The following SSC5D variants were observed in gnomAD, a reference collection of about 807,000 sequenced individuals.
SSC5D encodes scavenger receptor cysteine rich family member with 5 domains.
In SSC5D, 106 loss-of-function variants were observed where a neutral mutation model predicts 104.6. That is an observed-to-expected ratio of 1.01 (90% CI 0.87 to 1.19). The LOEUF (loss-of-function observed/expected upper bound fraction) is 1.19, where lower values mean the gene tolerates loss of function less well. Ranked by LOEUF, SSC5D falls within the 50% of genes most tolerant of loss-of-function variation. The pLI is 0.00. For missense variants in SSC5D, 1,993 were observed against 2,153.8 expected, an observed-to-expected ratio of 0.93 and a Z score of 1.48; for synonymous variants, 860 against 883.5, an observed-to-expected ratio of 0.97 and a Z score of 0.47.
At chr19:55,494,564 A>T (rs1253297791) in intron 7 of SSC5D, 46 bp from the exon 8 acceptor site, 3 of 1,459,772 alleles carry the variant, frequency 2.1e-6, no homozygotes, top group Non-Finnish European at 2.7e-6. Context: ...CGGCTCCGGG[A>T]TGGAGGGTGT....
At chr19:55,505,077 A>AGGTTCCAATCGT (rs1308449269) in intron 12 of SSC5D, among the ~76,000 whole-genome samples, 6 of 151,346 alleles carry the variant, frequency 4.0e-5, no homozygotes, top group Non-Finnish European at 8.8e-5. Flanking sequence ...CTCTCCTACC[A>AGGTTCCAATCGT]GGTTCCAATC....
intron 13 of SSC5D, 59 bp from the exon 14 acceptor site, chr19:55,517,165 G>A: frequency 4.2e-6 from 6 of 1,430,144 alleles, no homozygotes; most frequent in Non-Finnish European, 4.7e-6. Context: ...GGGGCGGGAC[G>A]CGTGGTGGGC....
rs371786822 is a variant in SSC5D, at chr19:55,500,561, C to A, written c.2374C>A (p.Arg792Ser). Residue 792 changes from arginine to serine, a missense_variant, in exon 11 of 14, where the codon CGC (arginine) becomes AGC (serine). Coordinates refer to ENST00000389623, the MANE Select transcript of SSC5D (RefSeq NM_001144950.2). This position sits in a 1 kb window ranked among gnomAD's most constrained non-coding sequence, Gnocchi z 4.6. ...CCGGCTGGAAGTGTGGCATGCCGGACGCTGGGGAACAGTGTGTGATGACAA... is the reference window on the plus strand; with the variant it reads ...CCGGCTGGAAGTGTGGCATGCCGGAAGCTGGGGAACAGTGTGTGATGACAA... ...AGRLEVWHAG[R>S]WGTVCDDNWD... 6 of 1,551,560 alleles carry A rather than the reference C, an allele frequency of 3.9e-6. No individual in the cohort carries two copies. The highest frequency in any genetic ancestry group is 5.2e-6 in the Non-Finnish European group (6 of 1,146,982).
chr19:55,489,335 C>A lies in SSC5D; in HGVS notation c.53-19C>A. 7.0e-7 allele frequency: 1 copy of A among 1,430,726 alleles called. No individual in the cohort carries two copies. Among genetic ancestry groups the A allele is most frequent in the Non-Finnish European group, 9.1e-7 (1 of 1,098,918 alleles). 88.6% of individuals were successfully genotyped at this position (1,430,726 alleles called of 1,614,324 possible). ...CCAGGATGCCCCTCCCCAGTCACAGCCATTCCTCCAACCCTCAGAGCGCCT... is the reference window on the plus strand; with the variant it reads ...CCAGGATGCCCCTCCCCAGTCACAGACATTCCTCCAACCCTCAGAGCGCCT... On this transcript the variant is annotated intron_variant, in intron 2 of 13. Transcript: ENST00000389623.
chr19:55,502,993 T>A (rs1599923007), intron 12 of SSC5D, among the ~76,000 whole-genome samples: 1 of 152,122 alleles, frequency 6.6e-6, no homozygotes, highest in East Asian at 1.9e-4. Context: ...TTTTTGTATT[T>A]TTAGTAGAGA....
chr19:55,501,120 G>A lies in SSC5D; in HGVS notation c.2704G>A (p.Val902Ile). 6.4e-7 allele frequency: 1 copy of A among 1,551,596 alleles called. No homozygotes were observed. Among genetic ancestry groups the A allele is most frequent in the Non-Finnish European group, 8.7e-7 (1 of 1,146,944 alleles). ...GGCCAAGGGGACTACCACAGCGGGG[G>A]TACCTGGACACACTCTCCCCTGGAG... ...DLAKGTTTAGVPGHTLPWRTT... is the reference protein window; with the variant it reads ...DLAKGTTTAGIPGHTLPWRTT... Residue 902 changes from valine to isoleucine, a missense_variant, in exon 12 of 14, where the codon GTA becomes ATA. Transcript: ENST00000389623.
In SSC5D at chr19:55,500,226, C is replaced by A. The variant is rs185224189; in HGVS notation, c.2116C>A (p.Arg706=). ...TGCCACGCTGACCCCTCAGGCCCCC[C>A]GAGAACGGACCACTAAGACCATGGC... is the stretch of plus-strand genomic sequence containing the variant. The part of the protein sequence containing the change: ...TTATLTPQAP[R]ERTTKTMAML... Residue 706 remains arginine, a synonymous_variant, in exon 10 of 14, where the codon CGA becomes AGA. Coordinates refer to ENST00000389623, the MANE Select transcript of SSC5D (RefSeq NM_001144950.2). The surrounding 1 kb of genome is among the most constrained non-coding windows in gnomAD (Gnocchi z 4.6). The A allele has an allele frequency of 1.9e-6, 3 of 1,551,546 alleles. No individual in the cohort carries two copies. Among genetic ancestry groups the A allele is most frequent in the Non-Finnish European group, 2.6e-6 (3 of 1,146,980 alleles).
At position 55,489,873 on chromosome 19, in the gene SSC5D, C is replaced by T. The variant is rs1366749127; in HGVS notation, c.362-9C>T. 1.9e-6 allele frequency: 3 copies of T among 1,548,040 alleles called. No individual in the cohort carries two copies. The highest frequency in any genetic ancestry group is 2.0e-5 in the Admixed American group (1 of 50,984). ...CCTCATAGCTTCTGTCCCTGCCCCC[C>T]CGCCGCAGGTCAGCGTGTGGCTAAC... On this transcript the variant is annotated splice_polypyrimidine_tract_variant and intron_variant, in intron 3 of 13. Coordinates refer to ENST00000389623, the MANE Select transcript of SSC5D (RefSeq NM_001144950.2).
chr19:55,498,330 C>T (rs1008554111), intron 9 of SSC5D, 133 bp downstream of exon 9: 1 of 899,534 alleles, frequency 1.1e-6, no homozygotes, highest in Admixed American at 2.5e-5. Context: ...CACATATAAC[C>T]ACATTGAAAT....
At chr19:55,506,686 G>A (rs1220212106) in intron 12 of SSC5D, among the ~76,000 whole-genome samples, 2 of 152,030 alleles carry the variant, frequency 1.3e-5, no homozygotes, top group African/African-American at 2.4e-5. Flanking sequence ...GAGCCACCGC[G>A]CCCGGCCGGA....
chr19:55,500,056 C>A lies in SSC5D; in HGVS notation c.1946C>A (p.Thr649Lys). 6.4e-7 allele frequency: 1 copy of A among 1,551,780 alleles called. No homozygotes were observed. The highest frequency in any genetic ancestry group is 2.4e-5 in the East Asian group (1 of 40,914). Residue 649 changes from threonine to lysine, a missense_variant, in exon 10 of 14, where the codon ACG (threonine) becomes AAG (lysine). Thr to Lys is a moderately conservative substitution (Grantham distance 78). Transcript: ENST00000389623. This position sits in a 1 kb window ranked among gnomAD's most constrained non-coding sequence, Gnocchi z 4.6. ...PTTQPPVMPT[T>K]KHSRAQSPPD... ...ACTCAACCCCCAGTGATGCCAACCACGAAACACTCCAGGGCCCAAAGCCCC... is the reference window on the plus strand; with the variant it reads ...ACTCAACCCCCAGTGATGCCAACCAAGAAACACTCCAGGGCCCAAAGCCCC...
intron 8 of SSC5D, among the ~76,000 whole-genome samples, chr19:55,496,010 G>A (rs946983689): frequency 7.9e-5 from 12 of 151,656 alleles, no homozygotes; most frequent in African/African-American, 2.7e-4. Flanking sequence ...CTAAGTGCTG[G>A]GATTATAGGC....
At position 55,493,860 on chromosome 19, in the gene SSC5D, C is replaced by G; in HGVS notation, c.1161C>G (p.Pro387=). The change falls in exon 7 of 14, where the codon CCC becomes CCG. Residue 387 remains proline (P), a synonymous_variant. Coordinates refer to ENST00000389623, the MANE Select transcript of SSC5D (RefSeq NM_001144950.2). ...CCTTACGATTCTGCCCAGCTCGGCC[C>G]TGGGGCCAGCATGACTGTCACCACC... The part of the protein sequence containing the change: ...ETALRFCPAR[P]WGQHDCHHRE... The G allele has an allele frequency of 6.5e-7, 1 of 1,549,164 alleles. No individual in the cohort carries two copies. Among genetic ancestry groups the G allele is most frequent in the Non-Finnish European group, 8.7e-7 (1 of 1,146,674 alleles).
At chr19:55,493,936 C>G (rs755875649) in intron 7 of SSC5D, 24 bp downstream of exon 7, 2 of 1,081,166 alleles carry the variant, frequency 1.8e-6, no homozygotes, top group Admixed American at 3.8e-5. Flanking sequence ...GGTGGAGGAC[C>G]GGGAGGTGGG....
In SSC5D at chr19:55,491,009, G is replaced by A. The variant is rs540107753; in HGVS notation, c.824G>A (p.Arg275Gln). ...VGCGGGEQAL[R>Q]DCPRSPWGRS... ...TGTGGAGGAGGAGAACAGGCCCTCC[G>A]AGACTGCCCCCGAAGCCCCTGGGGC... The change falls in exon 6 of 14, where the codon CGA becomes CAA. Residue 275 changes from arginine (R) to glutamine (Q), a missense_variant. By Grantham distance (43) the Arg-to-Gln change is conservative. This residue lies in a region of SSC5D where 1,101 missense variants were observed against 1,085.0 expected (regional missense o/e 1.01). Coordinates refer to ENST00000389623, the MANE Select transcript of SSC5D (RefSeq NM_001144950.2). 51 of 1,550,094 alleles carry A rather than the reference G, an allele frequency of 3.3e-5. No individual in the cohort carries two copies. The highest frequency in any genetic ancestry group is 1.2e-4 in the Admixed American group (6 of 50,934).
At position 55,517,727 on chromosome 19, in the gene SSC5D, C is replaced by T. The variant is rs1231072667; in HGVS notation, c.3451C>T (p.Pro1151Ser). The T allele has an allele frequency of 1.3e-6, 2 of 1,550,326 alleles. No individual in the cohort carries two copies. The highest frequency in any genetic ancestry group is 8.7e-7 in the Non-Finnish European group (1 of 1,146,502). The part of the protein sequence containing the change: ...RSPDPSPSPH[P>S]TTTPDPTMAP... Reference sequence around the variant, plus strand: ...CCCAGACCCCTCCCCAAGCCCTCACCCCACTACTACCCCTGATCCCACCAT... The same window carrying T: ...CCCAGACCCCTCCCCAAGCCCTCACTCCACTACTACCCCTGATCCCACCAT... Residue 1151 changes from proline to serine, a missense_variant, in exon 14 of 14, where the codon CCC becomes TCC. By Grantham distance (74) the Pro-to-Ser change is moderately conservative. This residue lies in a region of SSC5D where 423 missense variants were observed against 409.2 expected (regional missense o/e 1.03). Coordinates refer to ENST00000389623, the MANE Select transcript of SSC5D (RefSeq NM_001144950.2).
chr19:55,488,498 C>T lies in SSC5D; in HGVS notation c.-92C>T. ...CGGGCCTGGGCGCCTCCAGCAGGCA[C>T]TTCCCTCCCTCCCTCTCTCCCCAGC... On this transcript the variant is annotated 5_prime_UTR_variant, in exon 1 of 14. Transcript: ENST00000389623. 2 of 1,066,074 alleles carry T rather than the reference C, an allele frequency of 1.9e-6. No homozygotes were observed. Among genetic ancestry groups the T allele is most frequent in the East Asian group, 2.7e-5 (1 of 37,572 alleles). 66.0% of individuals were successfully genotyped at this position (1,066,074 alleles called of 1,614,324 possible). A position where few individuals can be genotyped will look rare whatever the true frequency, so the allele number is the denominator to read the frequency against.
In SSC5D at chr19:55,500,157, A is replaced by C. The variant is rs1327117024; in HGVS notation, c.2047A>C (p.Arg683=). The part of the protein sequence containing the change: ...SRRPTSEFTR[R]PTTEAPQRWT... ...AAGACCTACCTCTGAGTTTACCAGA[A>C]GGCCGACCACGGAGGCCCCCCAGAG... The change falls in exon 10 of 14, where the codon AGG becomes CGG. Residue 683 remains arginine (R), a synonymous_variant. Transcript: ENST00000389623. The surrounding 1 kb of genome is among the most constrained non-coding windows in gnomAD (Gnocchi z 4.6). 1.3e-6 allele frequency: 2 copies of C among 1,551,530 alleles called. No homozygotes were observed. Among genetic ancestry groups the C allele is most frequent in the Non-Finnish European group, 1.7e-6 (2 of 1,146,918 alleles).
In SSC5D at chr19:55,494,728, C is replaced by T. The variant is rs768409728; in HGVS notation, c.1332C>T (p.Gly444=). 10 of 1,550,092 alleles carry T rather than the reference C, an allele frequency of 6.5e-6. No homozygotes were observed. The highest frequency in any genetic ancestry group is 1.4e-5 in the African/African-American group (1 of 73,030). Residue 444 remains glycine, a synonymous_variant, in exon 8 of 14, where the codon GGC becomes GGT. Coordinates refer to ENST00000389623, the MANE Select transcript of SSC5D (RefSeq NM_001144950.2). Reference sequence around the variant, plus strand: ...CGAGCCAGGCTCCAGGGACGGCAGGCGTTTCACCTCCTCCAGCCTCCCCTA... The same window carrying T: ...CGAGCCAGGCTCCAGGGACGGCAGGTGTTTCACCTCCTCCAGCCTCCCCTA... ...TMTSQAPGTA[G]VSPPPASPTV... is the part of the protein sequence containing the mutation.
Sources: gnomAD v4.1 joint callset for allele counts (sites outside exome capture counted in the v4.1 genomes callset) on GRCh38, gnomAD v4.1.1 for gene constraint, gnomAD v4.1.1 regional missense constraint, Gnocchi (gnomAD v3.1) non-coding constraint, MANE v1.5 for transcripts, NCBI Gene and HGNC (gene_info 2026-07-23, HGNC 2026-07-21) for gene names.